Variants in AGBL1 observed in about 807,000 individuals in gnomAD.
AGBL1 encodes the protein AGBL carboxypeptidase 1, also known as cytosolic carboxypeptidase 4.
In AGBL1, 130 loss-of-function variants were observed where a neutral mutation model predicts 118.9. The observed-to-expected ratio is 1.09, with a 90% CI of 0.95 to 1.26. The LOEUF is 1.26. Ranked by LOEUF, AGBL1 falls within the 50% of genes most tolerant of loss-of-function variation. The pLI, the probability that AGBL1 is intolerant of heterozygous loss-of-function variation, is 0.00. For synonymous variants in AGBL1, 555 were observed against 478.9 expected (o/e 1.16, Z -2.08); for missense variants, 1,584 against 1,298.1 (o/e 1.22, Z -3.38).
In AGBL1 at chr15:86,526,544, G is replaced by GTATATATA. The variant is rs1555422465; in HGVS notation, c.2685+3628_2685+3635dup. Among the ~76,000 whole-genome samples, 597 of 119,378 alleles carry GTATATATA rather than the reference G, an allele frequency of 5.0e-3. 3 individuals are homozygous for GTATATATA. The highest frequency in any genetic ancestry group is 0.017 in the Middle Eastern group (4 of 234). The allele number at this position is 119,378 out of a possible 152,430, so 78.3% of individuals were successfully genotyped here. ...TGCACACAGATATGTTTGTGTCTGT[G>GTATATATA]TATATATATATATATATATATATAT... On this transcript the variant is annotated intron_variant, in intron 19 of 22. Transcript: ENST00000614907.
intron 6 of AGBL1, among the ~76,000 whole-genome samples, chr15:86,247,227 A>G (rs2078735762): frequency 6.6e-6 from 1 of 152,248 alleles, no homozygotes; most frequent in Non-Finnish European, 1.5e-5. Context: ...GATTTAAACT[A>G]TAATTACTTA....
chr15:86,903,260 T>C (rs751614995), intron 22 of AGBL1, among the ~76,000 whole-genome samples: 1 of 152,106 alleles, frequency 6.6e-6, no homozygotes, highest in Non-Finnish European at 1.5e-5. Context: ...CATTTTTCTT[T>C]ATAGCTTCCA....
At chr15:86,489,718 G>A (rs2082755913) in intron 18 of AGBL1, among the ~76,000 whole-genome samples, 1 of 152,116 alleles carries the variant, frequency 6.6e-6, no homozygotes, top group Non-Finnish European at 1.5e-5. Context: ...GTGAGAGATG[G>A]TCAGGCCTGT....
intron 22 of AGBL1, among the ~76,000 whole-genome samples, chr15:86,876,752 T>C (rs532215852): frequency 3.2e-4 from 49 of 152,204 alleles, no homozygotes; most frequent in African/African-American, 1.2e-3. Flanking sequence ...CAAGAAAATA[T>C]ATATTTACAA....
intron 22 of AGBL1, among the ~76,000 whole-genome samples, chr15:86,740,648 G>T (rs1201581455): frequency 6.6e-6 from 1 of 152,152 alleles, no homozygotes; most frequent in Non-Finnish European, 1.5e-5. Context: ...TAGACAGTGT[G>T]ATTACATCCG....
At chr15:86,818,201 A>T (rs963774295) in intron 22 of AGBL1, among the ~76,000 whole-genome samples, 3 of 152,158 alleles carry the variant, frequency 2.0e-5, no homozygotes, top group Non-Finnish European at 4.4e-5. Context: ...TAACACATTT[A>T]ACACATTTCT....
chr15:86,960,048 A>G (rs2080975605), intron 23 of AGBL1, among the ~76,000 whole-genome samples: 1 of 152,172 alleles, frequency 6.6e-6, no homozygotes. Context: ...TATTTTTTAA[A>G]TAATTCAACT....
chr15:86,088,314 T>C (rs903965925), intron 1 of AGBL1: 1 of 152,382 alleles, frequency 6.6e-6, no homozygotes, highest in Admixed American at 6.5e-5. Context: ...CTCTCTGTGG[T>C]GGATGTTCTC....
At chr15:86,800,088 A>G (rs1255621893) in intron 22 of AGBL1, among the ~76,000 whole-genome samples, 1 of 152,166 alleles carries the variant, frequency 6.6e-6, no homozygotes, top group East Asian at 1.9e-4. Context: ...ATGCTTGTTT[A>G]CTAATAAGTA....
chr15:86,138,375 C>G (rs1374866835), intron 1 of AGBL1: 1 of 152,222 alleles, frequency 6.6e-6, no homozygotes, highest in African/African-American at 2.4e-5. Context: ...ATGGATCTGG[C>G]TGGGTTCAAT....
intron 22 of AGBL1, among the ~76,000 whole-genome samples, chr15:86,855,227 G>A (rs8030894): frequency 0.84 from 128,298 of 152,270 alleles, 54,545 homozygotes; most frequent in African/African-American, 0.96. Flanking sequence ...TCGTTTCCAC[G>A]ATGTTATTGG....
At chr15:86,417,929 CAAAT>C (rs2081720342) in intron 18 of AGBL1, among the ~76,000 whole-genome samples, 1 of 152,140 alleles carries the variant, frequency 6.6e-6, no homozygotes, top group South Asian at 2.1e-4. Flanking sequence ...AGCTTATTGT[CAAAT>C]AAAGCCTCGA....
intron 19 of AGBL1, among the ~76,000 whole-genome samples, chr15:86,541,258 C>G (rs549410924): frequency 6.6e-6 from 1 of 152,108 alleles, no homozygotes; most frequent in Non-Finnish European, 1.5e-5. Context: ...GAGCATCACC[C>G]GGAAACTTGC....
chr15:86,578,012 T>A (rs1307753096), intron 21 of AGBL1, among the ~76,000 whole-genome samples: 1 of 152,152 alleles, frequency 6.6e-6, no homozygotes, highest in African/African-American at 2.4e-5. Flanking sequence ...CACTGCCTAG[T>A]AAAGCTGTGA....
intron 22 of AGBL1, among the ~76,000 whole-genome samples, chr15:86,679,341 G>A (rs962129272): frequency 1.3e-5 from 2 of 151,818 alleles, no homozygotes; most frequent in African/African-American, 2.4e-5. Flanking sequence ...AAAAAGTTTT[G>A]TTCATCTAAA....
intron 23 of AGBL1, among the ~76,000 whole-genome samples, chr15:86,975,002 G>GT (rs1359621445): frequency 6.6e-6 from 1 of 151,998 alleles, no homozygotes; most frequent in African/African-American, 2.4e-5. Context: ...TCTAAAATAA[G>GT]TGGTTTTGGG....
chr15:86,458,128 C>T (rs2082283444), intron 18 of AGBL1, among the ~76,000 whole-genome samples: 1 of 152,020 alleles, frequency 6.6e-6, no homozygotes, highest in Non-Finnish European at 1.5e-5. Context: ...AGAAGGCTGG[C>T]TTAAATGAGG....
intron 23 of AGBL1, among the ~76,000 whole-genome samples, chr15:86,936,207 G>A (rs2080672386): frequency 6.6e-6 from 1 of 151,894 alleles, no homozygotes; most frequent in African/African-American, 2.4e-5. Flanking sequence ...GACAACAAAT[G>A]CATTGCCAAA....
At chr15:86,842,604 C>A (rs557887766) in intron 22 of AGBL1, among the ~76,000 whole-genome samples, 4 of 152,168 alleles carry the variant, frequency 2.6e-5, no homozygotes, top group African/African-American at 4.8e-5. Context: ...TGGGCTCATG[C>A]TAATATAAAG....
Sources: gnomAD v4.1 joint callset for allele counts (sites outside exome capture counted in the v4.1 genomes callset) on GRCh38, gnomAD v4.1.1 for gene constraint, MANE v1.5 for transcripts, NCBI Gene and HGNC (gene_info 2026-07-23, HGNC 2026-07-21) for gene names.